Variants in RBFOX1 observed in about 807,000 individuals in gnomAD.
RBFOX1 encodes the protein RNA binding fox-1 homolog 1, also known as RNA binding protein fox-1 homolog 1.
RBFOX1 carries 8 observed loss-of-function variants against 57.7 expected under a neutral mutation model. The observed-to-expected ratio is 0.14, with a 90% CI of 0.08 to 0.25. RBFOX1 has a LOEUF of 0.25. Among genes scored for constraint, RBFOX1 ranks in the 10% least tolerant of loss-of-function variants. The pLI, the probability that RBFOX1 is intolerant of heterozygous loss-of-function variation, is 1.00. For synonymous variants in RBFOX1, 326 were observed against 222.4 expected (o/e 1.47, Z -4.15); for missense variants, 611 against 548.5 (o/e 1.11, Z -1.14).
intron 3 of RBFOX1, among the ~76,000 whole-genome samples, chr16:7,016,955 C>T (rs541061950): frequency 2.0e-5 from 3 of 152,248 alleles, no homozygotes; most frequent in Admixed American, 6.5e-5. Flanking sequence ...GTTTTTGTCC[C>T]ATCAGTAGTA....
intron 3 of RBFOX1, among the ~76,000 whole-genome samples, chr16:6,875,185 T>C (rs1022670151): frequency 6.6e-6 from 1 of 152,234 alleles, no homozygotes; most frequent in African/African-American, 2.4e-5. Flanking sequence ...TCATCTTCTT[T>C]GTATTATTAT....
chr16:6,842,618 C>G (rs6500848), intron 3 of RBFOX1, among the ~76,000 whole-genome samples: 7 of 150,034 alleles, frequency 4.7e-5, no homozygotes, highest in African/African-American at 1.5e-4. Flanking sequence ...TTCCTGCTGA[C>G]AGACATTTAG....
At chr16:7,403,309 C>G (rs1282075976) in intron 4 of RBFOX1, among the ~76,000 whole-genome samples, 1 of 152,060 alleles carries the variant, frequency 6.6e-6, no homozygotes, top group Non-Finnish European at 1.5e-5. Context: ...AGTCACCGTG[C>G]TATACATTAG....
Position 6,348,288 on chromosome 16 carries a change from C to G in RBFOX1, c.-64+31231C>G, listed in dbSNP as rs146148495. ...GGCAAATCATTTAGTTCCTTCTTGT[C>G]TATTTGTCTCCTCTGTAAAAGAGAG... On this transcript the variant is annotated intron_variant, in intron 2 of 15. Transcript: ENST00000550418. Among the ~76,000 whole-genome samples the G allele has an allele frequency of 6.6e-3, 998 of 152,256 alleles. 14 individuals carry two copies. Among genetic ancestry groups the G allele is most frequent in the African/African-American group, 0.023 (940 of 41,544 alleles).
At chr16:6,384,852 T>C (rs1444061911) in intron 2 of RBFOX1, among the ~76,000 whole-genome samples, 1 of 152,194 alleles carries the variant, frequency 6.6e-6, no homozygotes, top group Admixed American at 6.5e-5. Flanking sequence ...TCTGGGAGGT[T>C]TCTTTTCTAA....
intron 4 of RBFOX1, among the ~76,000 whole-genome samples, chr16:7,456,721 T>C (rs927037972): frequency 6.6e-6 from 1 of 152,068 alleles, no homozygotes; most frequent in African/African-American, 2.4e-5. Context: ...TGGGTGCCCG[T>C]AGAATCGCCA....
At chr16:6,594,387 A>C (rs2097756501) in intron 2 of RBFOX1, among the ~76,000 whole-genome samples, 1 of 152,182 alleles carries the variant, frequency 6.6e-6, no homozygotes, top group Non-Finnish European at 1.5e-5. Context: ...GTGCGATTAT[A>C]AATGGTGGCT....
intron 1 of RBFOX1, among the ~76,000 whole-genome samples, chr16:6,305,970 G>T (rs1490042508): frequency 6.6e-6 from 1 of 152,120 alleles, no homozygotes; most frequent in African/African-American, 2.4e-5. Context: ...GTCCATGAAA[G>T]CCCCTGGGTC....
At chr16:7,645,154 C>T (rs934270657) in intron 11 of RBFOX1, among the ~76,000 whole-genome samples, 3 of 152,090 alleles carry the variant, frequency 2.0e-5, no homozygotes, top group African/African-American at 7.2e-5. Context: ...CCAATTCCTT[C>T]GATGCATCCC....
chr16:7,314,115 G>T (rs1411215371), intron 4 of RBFOX1, among the ~76,000 whole-genome samples: 5 of 152,096 alleles, frequency 3.3e-5, no homozygotes, highest in Non-Finnish European at 2.9e-5. Flanking sequence ...TGGGGAGGAG[G>T]AAGGGAGAGG....
intron 3 of RBFOX1, among the ~76,000 whole-genome samples, chr16:6,859,414 T>C (rs143797359): frequency 8.6e-5 from 13 of 151,966 alleles, no homozygotes; most frequent in Admixed American, 2.6e-4. Context: ...AATATCATAA[T>C]TGATTTTACT....
intron 1 of RBFOX1, among the ~76,000 whole-genome samples, chr16:6,078,811 A>C (rs1254900338): frequency 6.6e-6 from 1 of 152,174 alleles, no homozygotes; most frequent in Non-Finnish European, 1.5e-5. Flanking sequence ...TGGATTTTCC[A>C]TGTCTTTAAG....
At chr16:6,959,505 A>AT (rs1480453405) in intron 3 of RBFOX1, among the ~76,000 whole-genome samples, 15 of 151,584 alleles carry the variant, frequency 9.9e-5, no homozygotes, top group African/African-American at 3.6e-4. Flanking sequence ...TTTATTTTTT[A>AT]TTTTTTACCC....
At chr16:7,189,425 CAAA>C (rs1159617665) in intron 4 of RBFOX1, among the ~76,000 whole-genome samples, 796 of 67,516 alleles carry the variant, frequency 0.012, 13 homozygotes, top group African/African-American at 0.036. Context: ...GACTCCCTCT[CAAA>C]AAAAAAAAAA....
At chr16:6,965,441 A>G (rs1383663347) in intron 3 of RBFOX1, among the ~76,000 whole-genome samples, 1 of 151,330 alleles carries the variant, frequency 6.6e-6, no homozygotes, top group African/African-American at 2.4e-5. Context: ...GGTTCAATTG[A>G]TTCTTCTGCC....
Position 6,963,603 on chromosome 16 carries a change from A to G in RBFOX1, c.-15-88454A>G, listed in dbSNP as rs1163548856. On this transcript the variant is annotated intron_variant, in intron 3 of 15. Transcript: ENST00000550418. Reference sequence around the variant, plus strand: ...CAACTATAGGCCATCCTAGAAAAGCAAAACTGTGGGGATAGTAAAAAGATC... The same window carrying G: ...CAACTATAGGCCATCCTAGAAAAGCGAAACTGTGGGGATAGTAAAAAGATC... 3.3e-5 allele frequency among the ~76,000 whole-genome samples: 5 copies of G among 152,308 alleles called. No homozygotes were observed. In the South Asian group the frequency reaches 1.0e-3, roughly 32 times the overall value.
At chr16:6,688,612 G>C (rs1406942901) in intron 3 of RBFOX1, among the ~76,000 whole-genome samples, 1 of 152,106 alleles carries the variant, frequency 6.6e-6, no homozygotes, top group East Asian at 1.9e-4. Context: ...TGTCCAACCA[G>C]CCATTTGACC....
At chr16:7,541,133 T>G (rs571367336) in intron 5 of RBFOX1, among the ~76,000 whole-genome samples, 1 of 152,254 alleles carries the variant, frequency 6.6e-6, no homozygotes, top group African/African-American at 2.4e-5. Context: ...GACTGCTGTA[T>G]GTACCTTGAG....
At chr16:5,966,383 C>G (rs1334661863) in intron 4 of RBFOX1, among the ~76,000 whole-genome samples, 1 of 152,134 alleles carries the variant, frequency 6.6e-6, no homozygotes. Flanking sequence ...TGGCAGAAGG[C>G]AACATGAGGG....
Sources: allele counts gnomAD v4.1 joint callset (sites outside exome capture counted in the v4.1 genomes callset), GRCh38; gene constraint gnomAD v4.1.1; transcripts MANE v1.5; gene names NCBI Gene and HGNC (gene_info 2026-07-23, HGNC 2026-07-21).